Variants in ZNF395 observed in about 807,000 individuals in gnomAD.
The protein encoded by ZNF395 is zinc finger protein 395, also known as HD gene regulatory region-binding protein 2.
A neutral mutation model predicts 57.7 loss-of-function variants in ZNF395; 20 were observed. That is an observed-to-expected ratio of 0.35 (90% confidence interval 0.24 to 0.50). The LOEUF (loss-of-function observed/expected upper bound fraction) is 0.50, where lower values mean the gene tolerates loss of function less well. Ranked by LOEUF, ZNF395 falls within the 20% of genes least tolerant of loss-of-function variation. The pLI is 0.97. For synonymous variants in ZNF395, 295 were observed against 275.9 expected, an observed-to-expected ratio of 1.07 and a Z score of -0.69; for missense variants, 606 against 671.2, an observed-to-expected ratio of 0.90 and a Z score of 1.07.
chr8:28,370,141 C>CA (rs1801959709), intron 1 of ZNF395, among the ~76,000 whole-genome samples: 1 of 151,768 alleles, frequency 6.6e-6, no homozygotes, highest in African/African-American at 2.4e-5. Context: ...GATGAATATC[C>CA]ATGTGAACAT....
chr8:28,349,712 C>T (rs1801654137), intron 8 of ZNF395, among the ~76,000 whole-genome samples: 1 of 152,262 alleles, frequency 6.6e-6, no homozygotes, highest in Non-Finnish European at 1.5e-5. Context: ...CCTCCACATT[C>T]TCCCCCTTCC....
At chr8:28,353,739 G>T (rs1801747246) in intron 4 of ZNF395, among the ~76,000 whole-genome samples, 1 of 151,906 alleles carries the variant, frequency 6.6e-6, no homozygotes, top group African/African-American at 2.4e-5. Flanking sequence ...CGATCCTCTG[G>T]CCTCAGCCTC....
At chr8:28,348,882 G>T in intron 9 of ZNF395, 52 bp from the exon 10 acceptor site, 2 of 1,579,382 alleles carry the variant, frequency 1.3e-6, no homozygotes, top group Non-Finnish European at 1.7e-6. Context: ...GTGGGCCCAG[G>T]AGAGTGGCCA....
At chr8:28,351,949 G>GAGAA in intron 6 of ZNF395, 142 bp from the exon 7 acceptor site, 4 of 887,404 alleles carry the variant, frequency 4.5e-6, no homozygotes. Context: ...CAGGTGCCTC[G>GAGAA]CTCCTGACGG....
chr8:28,348,259 CTTTT>C lies in ZNF395; in HGVS notation c.*456_*459del, dbSNP rs58805614. Reference sequence around the variant, plus strand: ...CTGAGTCACCCATCAGCCAGAAACTCTTTTTTTTTTTTTTTTTTTTTTTTTTTAA... The same window carrying C: ...CTGAGTCACCCATCAGCCAGAAACTCTTTTTTTTTTTTTTTTTTTTTTTAA... On this transcript the variant is annotated 3_prime_UTR_variant, in exon 10 of 10. Transcript: ENST00000344423. 6.6e-5 allele frequency: 6 copies of C among 90,478 alleles called. No individual in the cohort carries two copies. The highest frequency in any genetic ancestry group is 1.7e-4 in the African/African-American group (4 of 23,608). 5.6% of individuals were successfully genotyped at this position (90,478 alleles called of 1,614,324 possible).
chr8:28,379,928 T>A (rs1176646056), intron 1 of ZNF395, among the ~76,000 whole-genome samples: 1 of 152,148 alleles, frequency 6.6e-6, no homozygotes, highest in Non-Finnish European at 1.5e-5. Context: ...GTGTATTTCC[T>A]TCCAATTATT....
chr8:28,351,718 G>C lies in ZNF395; in HGVS notation c.1010C>G (p.Ala337Gly). 2 of 1,607,670 alleles carry C rather than the reference G, an allele frequency of 1.2e-6. No homozygotes were observed. The highest frequency in any genetic ancestry group is 1.7e-4 in the Middle Eastern group (1 of 6,060). ...GACTGGGGTGCCTGCGGCAGCAGCA[G>C]CAGCAGCAGCAGCAGATTCCTCCTT... is the stretch of plus-strand genomic sequence containing the variant. ...QLKEESAAAAAAAAAGTPVPG... is the reference protein window; with the variant it reads ...QLKEESAAAAGAAAAGTPVPG... The change falls in exon 7 of 10, where the codon GCT becomes GGT. Residue 337 changes from alanine (A) to glycine (G), a missense_variant. By Grantham distance (60) the Ala-to-Gly change is moderately conservative. Around this residue, in one of 3 missense-constraint regions of ZNF395, gnomAD observed 261 missense variants for 240.3 expected, o/e 1.09. Coordinates refer to ENST00000344423, the MANE Select transcript of ZNF395 (RefSeq NM_018660.3).
intron 1 of ZNF395, among the ~76,000 whole-genome samples, chr8:28,366,254 G>C (rs551927498): frequency 3.3e-5 from 5 of 152,288 alleles, no homozygotes; most frequent in Admixed American, 6.5e-5. Flanking sequence ...TCAGCTCTCT[G>C]TATATTTTAT....
In ZNF395 at chr8:28,359,498, ACAC is replaced by A. The variant is rs1482697274; in HGVS notation, c.473+91_473+93del. On this transcript the variant is annotated intron_variant, in intron 3 of 9. Transcript: ENST00000344423. The surrounding 1 kb of genome is among the most constrained non-coding windows in gnomAD (Gnocchi z 4.7). ...ATATCTTGGCACCCAGATGCCAATG[ACAC>A]CACATTTCTTCCCCACCACAACACA... 2.1e-6 allele frequency: 3 copies of A among 1,461,342 alleles called. No individual in the cohort carries two copies. The highest frequency in any genetic ancestry group is 1.8e-4 in the Middle Eastern group (1 of 5,454). The allele number at this position is 1,461,342 out of a possible 1,614,324, so 90.5% of individuals were successfully genotyped here.
Position 28,352,234 on chromosome 8 carries a change from G to C in ZNF395, c.920+339C>G, listed in dbSNP as rs1230053372. Among the ~76,000 whole-genome samples, 1 of 152,188 alleles carries C rather than the reference G, an allele frequency of 6.6e-6. No individual in the cohort carries two copies. The highest frequency in any genetic ancestry group is 2.4e-5 in the African/African-American group (1 of 41,448). ...GGGCTAGCGGAGACCCACTCCCAAG[G>C]AAGAGTGGGTGGTGCAGTGCTTGGC... On this transcript the variant is annotated intron_variant, in intron 6 of 9. Coordinates refer to ENST00000344423, the MANE Select transcript of ZNF395 (RefSeq NM_018660.3). This position sits in a 1 kb window ranked among gnomAD's most constrained non-coding sequence, Gnocchi z 4.0.
intron 1 of ZNF395, chr8:28,368,566 C>G (rs1801939050): frequency 6.6e-6 from 1 of 151,944 alleles, no homozygotes; most frequent in Non-Finnish European, 1.5e-5. Flanking sequence ...CGGCTCAGGC[C>G]TGGGGAGGGT....
rs1317285319 is a variant in ZNF395 at position 28,349,105 on chromosome 8, G to T, written c.1430+20C>A. 4 of 1,560,024 alleles carry T rather than the reference G, an allele frequency of 2.6e-6. No individual in the cohort carries two copies. The highest frequency in any genetic ancestry group is 1.2e-5 in the South Asian group (1 of 82,584). Reference sequence around the variant, plus strand: ...AGGGCACAGAAACCAGAAGGCAGGGGACGACAGCGGACATCTCACCTGGCA... The same window carrying T: ...AGGGCACAGAAACCAGAAGGCAGGGTACGACAGCGGACATCTCACCTGGCA... On this transcript the variant is annotated intron_variant, in intron 9 of 9. Transcript: ENST00000344423.
Position 28,350,077 on chromosome 8 carries a change from C to T in ZNF395, c.1313G>A (p.Cys438Tyr). The change falls in exon 8 of 10, where the codon TGC becomes TAC. Residue 438 changes from cysteine (C) to tyrosine (Y), a missense_variant. By Grantham distance (194) the Cys-to-Tyr change is radical. Transcript: ENST00000344423. ...CCGCACACTCACCGGAGAGAGAGAG[C>T]AGGCGGCGGAGGGGGCAGCAGCCCA... ...VSWAAAPSAA[C>Y]SLSPVRSRSL... 1.9e-6 allele frequency: 3 copies of T among 1,601,808 alleles called. No homozygotes were observed. Among genetic ancestry groups the T allele is most frequent in the Non-Finnish European group, 2.6e-6 (3 of 1,176,448 alleles).
intron 1 of ZNF395, among the ~76,000 whole-genome samples, chr8:28,379,051 T>TA (rs1802079428): frequency 6.6e-6 from 1 of 152,198 alleles, no homozygotes; most frequent in East Asian, 1.9e-4. Context: ...CTACAGAGAA[T>TA]AAAGTGACTG....
chr8:28,351,173 C>T (rs1172336961), intron 7 of ZNF395, among the ~76,000 whole-genome samples: 2 of 152,106 alleles, frequency 1.3e-5, no homozygotes, highest in African/African-American at 2.4e-5. Context: ...CTAGACGTCA[C>T]GTGGGAAGCC....
chr8:28,349,311 TC>T, intron 8 of ZNF395, 83 bp from the exon 9 acceptor site: 1 of 1,123,750 alleles, frequency 8.9e-7, no homozygotes, highest in Non-Finnish European at 1.2e-6. Flanking sequence ...CAGCCACCCG[TC>T]CCCAGCTCCT....
chr8:28,384,149 C>T (rs112018467), intron 1 of ZNF395, among the ~76,000 whole-genome samples: 3,229 of 152,310 alleles, frequency 0.021, 65 homozygotes, highest in Middle Eastern at 0.058. Flanking sequence ...CACAACTTTC[C>T]AAAACCCTTC....
chr8:28,367,093 A>C (rs925547189), intron 1 of ZNF395, among the ~76,000 whole-genome samples: 6 of 152,216 alleles, frequency 3.9e-5, no homozygotes, highest in Non-Finnish European at 7.3e-5. Context: ...AGCTGGTCAG[A>C]GTGTGACAAT....
Position 28,360,957 on chromosome 8 carries a change from C to T in ZNF395, c.168G>A (p.Glu56=). Residue 56 remains glutamate, a synonymous_variant, in exon 2 of 10, where the codon GAG becomes GAA. Coordinates refer to ENST00000344423, the MANE Select transcript of ZNF395 (RefSeq NM_018660.3). ...GAGCCTTAAGGACTTCCTTGGGCTG[C>T]TCCTGGCAGGGGGTGTCATCAGAGG... The part of the protein sequence containing the change: ...FTTSDDTPCQ[E]QPKEVLKAPS... 16 of 1,613,780 alleles carry T rather than the reference C, an allele frequency of 9.9e-6. No homozygotes were observed. Among genetic ancestry groups the T allele is most frequent in the Non-Finnish European group, 1.2e-5 (14 of 1,179,850 alleles).
Sources: allele counts gnomAD v4.1 joint callset (sites outside exome capture counted in the v4.1 genomes callset), GRCh38; gene constraint gnomAD v4.1.1; regional missense constraint gnomAD v4.1.1; non-coding constraint Gnocchi (gnomAD v3.1); transcripts MANE v1.5; gene names NCBI Gene and HGNC (gene_info 2026-07-23, HGNC 2026-07-21).